Variants in NGEF observed in about 807,000 individuals in gnomAD.
NGEF encodes neuronal guanine nucleotide exchange factor, also known as ephexin-1.
A neutral mutation model predicts 80.9 loss-of-function variants in NGEF; 31 were observed. That is an observed-to-expected ratio of 0.38 (90% CI 0.29 to 0.52). NGEF has a LOEUF of 0.52. Among genes scored for constraint, NGEF ranks in the 20% least tolerant of loss-of-function variants. The pLI is 0.84. For missense variants in NGEF, 709 were observed against 926.2 expected, an observed-to-expected ratio of 0.77 and a Z score of 3.04; for synonymous variants, 371 against 370.2, an observed-to-expected ratio of 1.00 and a Z score of -0.03.
chr2:232,887,502 A>G (rs1691729468), intron 9 of NGEF, among the ~76,000 whole-genome samples: 1 of 152,086 alleles, frequency 6.6e-6, no homozygotes, highest in South Asian at 2.1e-4. Flanking sequence ...GGGGACTGGG[A>G]GAGTGGCGTG....
intron 5 of NGEF, among the ~76,000 whole-genome samples, chr2:232,914,120 C>T (rs778909012): frequency 6.6e-6 from 1 of 152,222 alleles, no homozygotes; most frequent in Middle Eastern, 3.2e-3. Context: ...CAGCCACACT[C>T]ATTCCTTTAC....
chr2:232,891,164 G>C (rs571247901), intron 8 of NGEF, among the ~76,000 whole-genome samples, 194 bp downstream of exon 8: 3 of 152,208 alleles, frequency 2.0e-5, no homozygotes, highest in African/African-American at 7.2e-5. Context: ...TGCATGGTTC[G>C]GTCTCTCCCC....
intron 1 of NGEF, among the ~76,000 whole-genome samples, chr2:232,985,798 G>T (rs1022705105): frequency 1.3e-5 from 2 of 151,862 alleles, no homozygotes; most frequent in Non-Finnish European, 2.9e-5. Flanking sequence ...AATTAGCCAG[G>T]TGTGGTGGCG....
At chr2:232,887,193 C>T (rs1342344790) in intron 9 of NGEF, among the ~76,000 whole-genome samples, 1 of 152,242 alleles carries the variant, frequency 6.6e-6, no homozygotes, top group East Asian at 1.9e-4. Context: ...GACGGCGTCA[C>T]TGGCTCAATG....
intron 3 of NGEF, among the ~76,000 whole-genome samples, chr2:232,955,540 T>C (rs2106309803): frequency 6.6e-6 from 1 of 152,324 alleles, no homozygotes; most frequent in East Asian, 1.9e-4. Flanking sequence ...TGGTTTGTTT[T>C]TGAGACAGAA....
At chr2:232,899,209 G>A (rs1373527670) in intron 5 of NGEF, among the ~76,000 whole-genome samples, 3 of 152,116 alleles carry the variant, frequency 2.0e-5, no homozygotes, top group African/African-American at 7.2e-5. Flanking sequence ...GAGAGTATGT[G>A]ACTGTGTGTG....
intron 1 of NGEF, among the ~76,000 whole-genome samples, chr2:232,984,602 C>T (rs559014293): frequency 3.3e-5 from 5 of 152,008 alleles, no homozygotes; most frequent in Non-Finnish European, 4.4e-5. Context: ...CCAATGACAG[C>T]GTGATGGAGA....
rs192678823 is a variant in NGEF at position 232,987,434 on chromosome 2, G to A, written c.-74-12470C>T. Among the ~76,000 whole-genome samples, 4 of 152,272 alleles carry A rather than the reference G, an allele frequency of 2.6e-5. No individual in the cohort carries two copies. The East Asian group carries it at 7.7e-4, about 29-fold the overall frequency. The stretch of plus-strand genomic sequence containing the variant: ...TGAGGGAGGTGTGCCTCCTATGGTA[G>A]TCCCCACTCTCAGATAAAAGAAGAG... On this transcript the variant is annotated intron_variant, in intron 1 of 14. Transcript: ENST00000264051.
intron 1 of NGEF, among the ~76,000 whole-genome samples, chr2:232,979,001 A>T (rs1337430135): frequency 6.6e-6 from 1 of 152,190 alleles, no homozygotes; most frequent in East Asian, 1.9e-4. Flanking sequence ...GTCAGTGCTG[A>T]TCACCAGCAT....
intron 1 of NGEF, among the ~76,000 whole-genome samples, chr2:232,979,160 C>T (rs1694356840): frequency 6.6e-6 from 1 of 152,054 alleles, no homozygotes; most frequent in South Asian, 2.1e-4. Flanking sequence ...GCCTCAGTTT[C>T]CTGTCCAGAA....
At chr2:232,989,368 A>C (rs1186973681) in intron 1 of NGEF, among the ~76,000 whole-genome samples, 1 of 152,154 alleles carries the variant, frequency 6.6e-6, no homozygotes, top group African/African-American at 2.4e-5. Flanking sequence ...GAATTGCTTG[A>C]ACCCGGGAGG....
At chr2:232,927,839 G>C (rs1205253060) in intron 3 of NGEF, 7 of 1,185,210 alleles carry the variant, frequency 5.9e-6, no homozygotes, top group Non-Finnish European at 6.4e-6. Context: ...CGCAAGCTGG[G>C]AAAGAGGCAC....
chr2:232,941,498 C>T (rs759300330), intron 3 of NGEF, among the ~76,000 whole-genome samples: 4 of 152,204 alleles, frequency 2.6e-5, no homozygotes, highest in Admixed American at 6.5e-5. Flanking sequence ...ACAAGGACAG[C>T]TTGGAGGTTA....
rs1195980824 is a variant in NGEF, at chr2:232,927,046, A to G, written c.524T>C (p.Ile175Thr). 1 of 1,613,728 alleles carries G rather than the reference A, an allele frequency of 6.2e-7. No individual in the cohort carries two copies. The highest frequency in any genetic ancestry group is 1.1e-5 in the South Asian group (1 of 91,068). ...CCGGTTACTGCGGAGACACCCACCT[A>G]TTTGTTCAATGAGGTTTCTCCAGGA... ...ADSWRNLIEQ[I>T]GLLYQEYRDK... is the part of the protein sequence containing the mutation. The change falls in exon 4 of 15, where the codon ATA (isoleucine) becomes ACA (threonine). Residue 175 changes from isoleucine (I) to threonine (T), a missense_variant and splice_region_variant. Coordinates refer to ENST00000264051, the MANE Select transcript of NGEF (RefSeq NM_019850.3).
Position 232,908,841 on chromosome 2 carries a change from CAT to C in NGEF, c.828+11441_828+11442del, listed in dbSNP as rs1692633853. ...TTTGCCCAGTTTTCTTTGGGGTGCT[CAT>C]GTTTTTCTTATTGACAGCTTTCTAA... On this transcript the variant is annotated intron_variant, in intron 5 of 14. Transcript: ENST00000264051. 2.6e-5 allele frequency among the ~76,000 whole-genome samples: 4 copies of C among 151,654 alleles called. No individual in the cohort carries two copies. In the East Asian group the frequency reaches 7.7e-4, roughly 29 times the overall value.
Position 232,974,880 on chromosome 2 carries a change from C to T in NGEF, c.11G>A (p.Arg4Lys). The change falls in exon 2 of 15, where the codon AGG becomes AAG. Residue 4 changes from arginine to lysine, a missense_variant. Arg to Lys is a conservative substitution (Grantham distance 26). This residue lies in a region of NGEF where 283 missense variants were observed against 303.4 expected (regional missense o/e 0.93). Coordinates refer to ENST00000264051, the MANE Select transcript of NGEF (RefSeq NM_019850.3). ...GGTCTTTTCCAAATCTTCAGATTCC[C>T]TGGTCTCCATGGAAATAGAGCCAGA... MET[R>K]ESEDLEKTRR... 6.2e-7 allele frequency: 1 copy of T among 1,613,338 alleles called. No individual in the cohort carries two copies. Among genetic ancestry groups the T allele is most frequent in the Non-Finnish European group, 8.5e-7 (1 of 1,179,814 alleles).
At chr2:232,913,647 G>A (rs924679811) in intron 5 of NGEF, among the ~76,000 whole-genome samples, 15 of 152,218 alleles carry the variant, frequency 9.9e-5, no homozygotes, top group East Asian at 1.9e-4. Flanking sequence ...GTAGCCGGGC[G>A]CGGTGACTCA....
At chr2:232,966,760 G>A (rs184352966) in intron 3 of NGEF, among the ~76,000 whole-genome samples, 1 of 152,242 alleles carries the variant, frequency 6.6e-6, no homozygotes, top group African/African-American at 2.4e-5. Context: ...TTTACTACCA[G>A]GGCCCTTCCT....
At chr2:232,948,339 C>T (rs960164118) in intron 3 of NGEF, among the ~76,000 whole-genome samples, 2 of 152,012 alleles carry the variant, frequency 1.3e-5, no homozygotes, top group Admixed American at 6.6e-5. Context: ...TACAGGCGCC[C>T]GCCACCATGC....
Sources: gnomAD v4.1 joint callset for allele counts (sites outside exome capture counted in the v4.1 genomes callset) on GRCh38, gnomAD v4.1.1 for gene constraint, gnomAD v4.1.1 regional missense constraint, MANE v1.5 for transcripts, NCBI Gene and HGNC (gene_info 2026-07-23, HGNC 2026-07-21) for gene names.